The following WIPI1 variants were observed in gnomAD, a reference collection of about 807,000 sequenced individuals.
WIPI1 encodes the protein WD repeat domain, phosphoinositide interacting 1.
Under a neutral mutation model 55.3 loss-of-function variants are expected in WIPI1, and 45 were observed. That is an observed-to-expected ratio of 0.81 (90% CI 0.64 to 1.04). The LOEUF (loss-of-function observed/expected upper bound fraction) is 1.04, where lower values mean the gene tolerates loss of function less well. Ranked by LOEUF, WIPI1 falls within the 50% of genes least tolerant of loss-of-function variation. WIPI1 has a pLI of 0.00. For synonymous variants in WIPI1, 195 were observed against 217.6 expected, an observed-to-expected ratio of 0.90 and a Z score of 0.92; for missense variants, 445 against 559.0, an observed-to-expected ratio of 0.80 and a Z score of 2.06.
intron 1 of WIPI1, among the ~76,000 whole-genome samples, chr17:68,456,633 G>A (rs1200766106): frequency 6.6e-6 from 1 of 152,186 alleles, no homozygotes; most frequent in Non-Finnish European, 1.5e-5. Context: ...AAAACAACAG[G>A]GTGGAGCTCC....
intron 12 of WIPI1, among the ~76,000 whole-genome samples, chr17:68,422,983 C>T (rs74482586): frequency 0.018 from 2,717 of 152,198 alleles, 75 homozygotes; most frequent in African/African-American, 0.053. Context: ...CGTGATCCTA[C>T]GCAGGGAAGT....
chr17:68,440,528 C>T (rs923598365), intron 4 of WIPI1, among the ~76,000 whole-genome samples: 7 of 152,032 alleles, frequency 4.6e-5, no homozygotes, highest in Admixed American at 3.9e-4. Context: ...ATTCTAAAAC[C>T]CAGAGGCTTT....
chr17:68,426,009 A>G lies in WIPI1; in HGVS notation c.1293+66T>C, dbSNP rs140834579. ...CAGGGAAAGGGACTCTGCCTCTCGTATGAGGCGAAGGTTTCCTTCTAAGCA... is the reference window on the plus strand; with the variant it reads ...CAGGGAAAGGGACTCTGCCTCTCGTGTGAGGCGAAGGTTTCCTTCTAAGCA... On this transcript the variant is annotated intron_variant, in intron 12 of 12. Coordinates refer to ENST00000262139, the MANE Select transcript of WIPI1 (RefSeq NM_017983.7). 8.5e-5 allele frequency: 109 copies of G among 1,276,068 alleles called. 4 individuals carry two copies. The South Asian group carries it at 9.1e-4, about 11-fold the overall frequency. The allele number at this position is 1,276,068 out of a possible 1,614,324, so 79.0% of individuals were successfully genotyped here. A position where few individuals can be genotyped will look rare whatever the true frequency, so the allele number is the denominator to read the frequency against.
intron 6 of WIPI1, among the ~76,000 whole-genome samples, chr17:68,435,346 G>A (rs150223327): frequency 0.012 from 1,854 of 152,310 alleles, 12 homozygotes; most frequent in Middle Eastern, 0.024. Context: ...CCGTCTCTAC[G>A]GCTGATGTAC....
intron 1 of WIPI1, 115 bp downstream of exon 1, chr17:68,457,227 G>A: frequency 2.4e-6 from 3 of 1,265,600 alleles, no homozygotes; most frequent in Non-Finnish European, 3.3e-6. Context: ...GCAGACACCG[G>A]CCCTCCCGCC....
intron 3 of WIPI1, among the ~76,000 whole-genome samples, chr17:68,445,906 G>A (rs1414309643): frequency 6.6e-6 from 1 of 152,172 alleles, no homozygotes; most frequent in African/African-American, 2.4e-5. Flanking sequence ...CAAGCCCTGG[G>A]CTCTCCCCGG....
At chr17:68,442,510 G>T (rs1028024317) in intron 4 of WIPI1, among the ~76,000 whole-genome samples, 2 of 151,886 alleles carry the variant, frequency 1.3e-5, no homozygotes, top group African/African-American at 4.8e-5. Flanking sequence ...GCAAGGGAGG[G>T]TGCTCAGTCC....
Position 68,439,698 on chromosome 17 carries a change from T to C in WIPI1, c.431-3219A>G, listed in dbSNP as rs562943074. Among the ~76,000 whole-genome samples, 3 of 152,356 alleles carry C rather than the reference T, an allele frequency of 2.0e-5. No homozygotes were observed. In the South Asian group the frequency reaches 6.2e-4, roughly 32 times the overall value. ...TCAGGAATATTTATCTGGTTAGAGA[T>C]AGGCTGAGGACATGAGTTCAAGACT... On this transcript the variant is annotated intron_variant, in intron 4 of 12. Transcript: ENST00000262139.
At position 68,430,106 on chromosome 17, in the gene WIPI1, A is replaced by T; in HGVS notation, c.855T>A (p.Ala285=). 6.2e-7 allele frequency: 1 copy of T among 1,614,182 alleles called. No homozygotes were observed. The highest frequency in any genetic ancestry group is 8.5e-7 in the Non-Finnish European group (1 of 1,180,036). ...CCTGGGTAGGGAGGTAGTTGGTAGC[A>T]GCCATAAACATCTTTCCCATGTAGC... The part of the protein sequence containing the change: ...WSGYMGKMFM[A]ATNYLPTQVS... The change falls in exon 9 of 13, where the codon GCT becomes GCA. Residue 285 remains alanine (A), a synonymous_variant. Coordinates refer to ENST00000262139, the MANE Select transcript of WIPI1 (RefSeq NM_017983.7).
chr17:68,426,251 G>GGGGGGT lies in WIPI1; in HGVS notation c.1193-77_1193-76insACCCCC. 1.8e-5 allele frequency: 15 copies of GGGGGGT among 825,456 alleles called. 3 individuals carry two copies. The highest frequency in any genetic ancestry group is 6.9e-5 in the East Asian group (2 of 29,032). 51.1% of individuals were successfully genotyped at this position (825,456 alleles called of 1,614,324 possible). Reference sequence around the variant, plus strand: ...GCCATGACCTGGCGGGTGGGGAGCGGGGGCTCAAATAAAGGGCAAAGGAAG... The same window carrying GGGGGGT: ...GCCATGACCTGGCGGGTGGGGAGCGGGGGGGTGGGCTCAAATAAAGGGCAAAGGAAG... On this transcript the variant is annotated intron_variant, in intron 11 of 12. Coordinates refer to ENST00000262139, the MANE Select transcript of WIPI1 (RefSeq NM_017983.7).
chr17:68,423,529 C>A lies in WIPI1; in HGVS notation c.1294-1709G>T, dbSNP rs183209077. Among the ~76,000 whole-genome samples the A allele has an allele frequency of 4.3e-4, 65 of 152,318 alleles. 1 individual carries two copies. Among genetic ancestry groups the A allele is most frequent in the Middle Eastern group, 6.8e-3 (2 of 294 alleles). On this transcript the variant is annotated intron_variant, in intron 12 of 12. Transcript: ENST00000262139. This position sits in a 1 kb window ranked among gnomAD's most constrained non-coding sequence, Gnocchi z 4.4. ...AGGGTCTAACACCTGTTCTAGGGAC[C>A]TTGTTCAGTGACCACTCTCACTGGC...
At position 68,429,979 on chromosome 17, in the gene WIPI1, G is replaced by A. The variant is rs759349483; in HGVS notation, c.965+17C>T. On this transcript the variant is annotated intron_variant, in intron 9 of 12. Coordinates refer to ENST00000262139, the MANE Select transcript of WIPI1 (RefSeq NM_017983.7). ...CGAAAGTGTGGTCTTGTTCAGAGTG[G>A]GTGTCATTGTACGTACGTTGAGAGG... The A allele has an allele frequency of 6.2e-7, 1 of 1,613,898 alleles. No individual in the cohort carries two copies. Among genetic ancestry groups the A allele is most frequent in the Non-Finnish European group, 8.5e-7 (1 of 1,179,908 alleles).
At chr17:68,444,271 T>A (rs1245771818) in intron 4 of WIPI1, among the ~76,000 whole-genome samples, 1 of 152,228 alleles carries the variant, frequency 6.6e-6, no homozygotes, top group African/African-American at 2.4e-5. Context: ...AAGGGTGTTG[T>A]TATTCTTGGA....
intron 1 of WIPI1, among the ~76,000 whole-genome samples, chr17:68,453,478 C>CTT (rs2084566189): frequency 6.7e-6 from 1 of 148,680 alleles, no homozygotes. Context: ...CTTTTCTTTT[C>CTT]CTTTTTTTTT....
chr17:68,435,765 A>C, intron 5 of WIPI1, 53 bp from the exon 6 acceptor site: 1 of 1,514,930 alleles, frequency 6.6e-7, no homozygotes, highest in Non-Finnish European at 9.2e-7. Flanking sequence ...GGGAAGATGG[A>C]TTTCACCTCC....
intron 3 of WIPI1, among the ~76,000 whole-genome samples, chr17:68,445,441 T>A (rs906521291): frequency 6.6e-6 from 1 of 150,544 alleles, no homozygotes; most frequent in Admixed American, 6.6e-5. Context: ...CTACTCAGAC[T>A]CTCCTCCAGG....
chr17:68,437,948 T>TAAAAAAAAAAAAAAAAAAAA (rs199649033), intron 4 of WIPI1, among the ~76,000 whole-genome samples: 3 of 78,806 alleles, frequency 3.8e-5, no homozygotes, highest in African/African-American at 1.4e-4. Context: ...ACATCTCTCT[T>TAAAAAAAAAAAAAAAAAAAA]AAAAAAAAAA....
rs193048519 is a variant in WIPI1, at chr17:68,445,071, C to G, written c.334-482G>C. ...GAGTAGCTGGGATTACATGCATGCACCACCACACCTGGCTAATTTTGTATT... is the reference window on the plus strand; with the variant it reads ...GAGTAGCTGGGATTACATGCATGCAGCACCACACCTGGCTAATTTTGTATT... On this transcript the variant is annotated intron_variant, in intron 3 of 12. Coordinates refer to ENST00000262139, the MANE Select transcript of WIPI1 (RefSeq NM_017983.7). 2.6e-3 allele frequency among the ~76,000 whole-genome samples: 394 copies of G among 152,154 alleles called. 9 individuals carry two copies. Among genetic ancestry groups the G allele is most frequent in the Non-Finnish European group, 9.0e-4 (61 of 68,014 alleles).
intron 8 of WIPI1, 28 bp from the exon 9 acceptor site, chr17:68,430,188 G>A (rs1441167200): frequency 1.9e-6 from 3 of 1,592,938 alleles, no homozygotes; most frequent in Non-Finnish European, 2.6e-6. Flanking sequence ...GGCAACGATG[G>A]GACTGGGCTG....
Sources: gnomAD v4.1 joint callset for allele counts (sites outside exome capture counted in the v4.1 genomes callset) on GRCh38, gnomAD v4.1.1 for gene constraint, Gnocchi (gnomAD v3.1) non-coding constraint, MANE v1.5 for transcripts, NCBI Gene and HGNC (gene_info 2026-07-23, HGNC 2026-07-21) for gene names.